The following KCNQ1OT1 variants were observed in gnomAD, a reference collection of about 807,000 sequenced individuals.
KCNQ1OT1 encodes the protein KCNQ1 opposite strand/antisense transcript 1, also known as KCNQ1 antisense RNA 2 (non-protein coding).
exon 1 of KCNQ1OT1, chr11:2,689,753 G>A (rs999508482): frequency 3.0e-5 from 12 of 398,566 alleles, no homozygotes; most frequent in Non-Finnish European, 4.9e-5. Flanking sequence ...TTGTTTACAG[G>A]AGACTGATGG....
Position 2,682,810 on chromosome 11 carries a change from T to C in KCNQ1OT1, n.17185A>G. On this transcript the variant is annotated non_coding_transcript_exon_variant, in exon 1 of 1. Transcript: ENST00000597346. This position sits in a 1 kb window ranked among gnomAD's most constrained non-coding sequence, Gnocchi z 5.8. ...CACCATGAAATGCAGTGACTTGCAGTGATCCTCCTGGGGCCTTGTATAGAA... is the reference window on the plus strand; with the variant it reads ...CACCATGAAATGCAGTGACTTGCAGCGATCCTCCTGGGGCCTTGTATAGAA... 2.5e-6 allele frequency: 1 copy of C among 398,654 alleles called. No individual in the cohort carries two copies. Among genetic ancestry groups the C allele is most frequent in the Non-Finnish European group, 4.4e-6 (1 of 226,074 alleles). The allele number at this position is 398,654 out of a possible 1,614,324, so 24.7% of individuals were successfully genotyped here. A position where few individuals can be genotyped will look rare whatever the true frequency, so the allele number is the denominator to read the frequency against.
exon 1 of KCNQ1OT1, chr11:2,660,541 A>G (rs903615355): frequency 5.0e-6 from 2 of 398,534 alleles, no homozygotes; most frequent in Admixed American, 8.8e-5. Context: ...AAATTCCTAC[A>G]AAGTGATAAG....
rs919961645 is a variant in KCNQ1OT1 at position 2,617,147 on chromosome 11, C to T, written n.82848G>A. The T allele has an allele frequency of 4.8e-5, 19 of 398,294 alleles. No homozygotes were observed. Among genetic ancestry groups the T allele is most frequent in the Non-Finnish European group, 5.8e-5 (13 of 225,886 alleles). The allele number at this position is 398,294 out of a possible 1,614,324, so 24.7% of individuals were successfully genotyped here. A position where few individuals can be genotyped will look rare whatever the true frequency, so the allele number is the denominator to read the frequency against. ...CCAAATGCAATATACTAACTATTCT[C>T]ATGTTCTACATGAGATCTCTAGACT... On this transcript the variant is annotated non_coding_transcript_exon_variant, in exon 1 of 1. Transcript: ENST00000597346. This position sits in a 1 kb window ranked among gnomAD's most constrained non-coding sequence, Gnocchi z 4.6.
rs1395105650 is a variant in KCNQ1OT1, at chr11:2,617,079, G to A, written n.82916C>T. ...TCATCTCACAGTTATTCTTTTGTGT[G>A]TATGAGTGAGAAAAGCTATGATCTA... On this transcript the variant is annotated non_coding_transcript_exon_variant, in exon 1 of 1. Coordinates refer to ENST00000597346, the Ensembl canonical transcript of KCNQ1OT1. The surrounding 1 kb of genome is among the most constrained non-coding windows in gnomAD (Gnocchi z 4.6). The A allele has an allele frequency of 1.5e-5, 6 of 397,936 alleles. No homozygotes were observed. Among genetic ancestry groups the A allele is most frequent in the Non-Finnish European group, 2.7e-5 (6 of 225,816 alleles). 24.7% of individuals were successfully genotyped at this position (397,936 alleles called of 1,614,324 possible).
At position 2,623,296 on chromosome 11, in the gene KCNQ1OT1, T is replaced by C. The variant is rs1849204437; in HGVS notation, n.76699A>G. 2.5e-6 allele frequency: 1 copy of C among 398,708 alleles called. No individual in the cohort carries two copies. Among genetic ancestry groups the C allele is most frequent in the Non-Finnish European group, 4.4e-6 (1 of 226,148 alleles). The allele number at this position is 398,708 out of a possible 1,614,324, so 24.7% of individuals were successfully genotyped here. A position where few individuals can be genotyped will look rare whatever the true frequency, so the allele number is the denominator to read the frequency against. Reference sequence around the variant, plus strand: ...TCACAAATTACCCAGTCTCAGGTAGTTCTTTATAGCACTGTGAGAACGGAC... The same window carrying C: ...TCACAAATTACCCAGTCTCAGGTAGCTCTTTATAGCACTGTGAGAACGGAC... On this transcript the variant is annotated non_coding_transcript_exon_variant, in exon 1 of 1. Coordinates refer to ENST00000597346, the Ensembl canonical transcript of KCNQ1OT1. The surrounding 1 kb of genome is among the most constrained non-coding windows in gnomAD (Gnocchi z 5.2).
At position 2,691,815 on chromosome 11, in the gene KCNQ1OT1, T is replaced by G; in HGVS notation, n.8180A>C. On this transcript the variant is annotated non_coding_transcript_exon_variant, in exon 1 of 1. Transcript: ENST00000597346. This position sits in a 1 kb window ranked among gnomAD's most constrained non-coding sequence, Gnocchi z 6.4. ...CAATCAGAGAATCACAAGCACTGGA[T>G]CCAATGTGACCTCTGCCAGGACCAT... 2.5e-6 allele frequency: 1 copy of G among 398,662 alleles called. No individual in the cohort carries two copies. Among genetic ancestry groups the G allele is most frequent in the East Asian group, 3.6e-5 (1 of 28,056 alleles). The allele number at this position is 398,662 out of a possible 1,614,324, so 24.7% of individuals were successfully genotyped here.
rs372027284 is a variant in KCNQ1OT1 at position 2,655,528 on chromosome 11, C to T, written n.44467G>A. On this transcript the variant is annotated non_coding_transcript_exon_variant, in exon 1 of 1. Transcript: ENST00000597346. ...TGCCCTTTCAAGTACACCATGGGCT[C>T]AACCTTCTCTGCAGCTGTGAGTTCA... 1.0e-5 allele frequency: 4 copies of T among 398,600 alleles called. No individual in the cohort carries two copies. In the Admixed American group the frequency reaches 1.8e-4, roughly 18 times the overall value. The allele number at this position is 398,600 out of a possible 1,614,324, so 24.7% of individuals were successfully genotyped here.
chr11:2,676,489 T>A lies in KCNQ1OT1; in HGVS notation n.23506A>T. ...TTAGCTGTAGTCTTTCTGGCATCAG[T>A]TCCATTTCTGGTGAACACTTGGACT... On this transcript the variant is annotated non_coding_transcript_exon_variant, in exon 1 of 1. Transcript: ENST00000597346. The surrounding 1 kb of genome is among the most constrained non-coding windows in gnomAD (Gnocchi z 4.2). 1 of 398,694 alleles carries A rather than the reference T, an allele frequency of 2.5e-6. No individual in the cohort carries two copies. Among genetic ancestry groups the A allele is most frequent in the Non-Finnish European group, 4.4e-6 (1 of 226,094 alleles). The allele number at this position is 398,694 out of a possible 1,614,324, so 24.7% of individuals were successfully genotyped here. A position where few individuals can be genotyped will look rare whatever the true frequency, so the allele number is the denominator to read the frequency against.
At chr11:2,694,014 T>C in exon 1 of KCNQ1OT1, 1 of 398,688 alleles carries the variant, frequency 2.5e-6, no homozygotes, top group Non-Finnish European at 4.4e-6. Context: ...CACCTCCAAC[T>C]TGGTCAAGCC....
rs1849774209 is a variant in KCNQ1OT1 at position 2,652,635 on chromosome 11, G to A, written n.47360C>T. On this transcript the variant is annotated non_coding_transcript_exon_variant, in exon 1 of 1. Transcript: ENST00000597346. This position sits in a 1 kb window ranked among gnomAD's most constrained non-coding sequence, Gnocchi z 5.9. ...AAATGTGTCTTGGGAGACCTAGACA[G>A]TGACTTCCTGCAGCATGGAGACCCG... 1.0e-5 allele frequency: 4 copies of A among 398,702 alleles called. No homozygotes were observed. Among genetic ancestry groups the A allele is most frequent in the Non-Finnish European group, 1.8e-5 (4 of 226,128 alleles). The allele number at this position is 398,702 out of a possible 1,614,324, so 24.7% of individuals were successfully genotyped here.
Position 2,670,195 on chromosome 11 carries a change from G to A in KCNQ1OT1, n.29800C>T. On this transcript the variant is annotated non_coding_transcript_exon_variant, in exon 1 of 1. Coordinates refer to ENST00000597346, the Ensembl canonical transcript of KCNQ1OT1. The surrounding 1 kb of genome is among the most constrained non-coding windows in gnomAD (Gnocchi z 4.9). ...GCAAGCACCCACATTAAAGCAGAGT[G>A]AAGAGCAGGGCGAGCTGTGTAGCTC... The A allele has an allele frequency of 2.5e-6, 1 of 398,638 alleles. No individual in the cohort carries two copies. The highest frequency in any genetic ancestry group is 4.4e-6 in the Non-Finnish European group (1 of 226,084). The allele number at this position is 398,638 out of a possible 1,614,324, so 24.7% of individuals were successfully genotyped here.
rs148944644 is a variant in KCNQ1OT1, at chr11:2,634,033, A to G, written n.65962T>C. 2,206 of 398,374 alleles carry G rather than the reference A, an allele frequency of 5.5e-3. 10 individuals carry two copies. The highest frequency in any genetic ancestry group is 8.8e-3 in the Middle Eastern group (14 of 1,586). The allele number at this position is 398,374 out of a possible 1,614,324, so 24.7% of individuals were successfully genotyped here. A position where few individuals can be genotyped will look rare whatever the true frequency, so the allele number is the denominator to read the frequency against. ...CAGGCAGTGTAGTGCCTCCAGCTTC[A>G]TTCTGCCTGCTCAGTATTGTTTGTC... On this transcript the variant is annotated non_coding_transcript_exon_variant, in exon 1 of 1. Transcript: ENST00000597346.
chr11:2,658,721 A>G lies in KCNQ1OT1; in HGVS notation n.41274T>C. ...ATGTATGTAACCTGAGTACACATACATCTTTACATATCTGTATCTATATAA... is the reference window on the plus strand; with the variant it reads ...ATGTATGTAACCTGAGTACACATACGTCTTTACATATCTGTATCTATATAA... On this transcript the variant is annotated non_coding_transcript_exon_variant, in exon 1 of 1. Coordinates refer to ENST00000597346, the Ensembl canonical transcript of KCNQ1OT1. The surrounding 1 kb of genome is among the most constrained non-coding windows in gnomAD (Gnocchi z 4.9). 1 of 398,620 alleles carries G rather than the reference A, an allele frequency of 2.5e-6. No individual in the cohort carries two copies. 24.7% of individuals were successfully genotyped at this position (398,620 alleles called of 1,614,324 possible).
chr11:2,612,507 T>C lies in KCNQ1OT1; in HGVS notation n.87488A>G, dbSNP rs1016859802. The C allele has an allele frequency of 5.0e-6, 2 of 398,526 alleles. No homozygotes were observed. The highest frequency in any genetic ancestry group is 4.1e-5 in the African/African-American group (2 of 48,636). 24.7% of individuals were successfully genotyped at this position (398,526 alleles called of 1,614,324 possible). ...GTTGAAGTTCATTGATTCTTTCTTC[T>C]GCCAGGTCAAATTTGCTTAGCCGCA... On this transcript the variant is annotated non_coding_transcript_exon_variant, in exon 1 of 1. Coordinates refer to ENST00000597346, the Ensembl canonical transcript of KCNQ1OT1. This position sits in a 1 kb window ranked among gnomAD's most constrained non-coding sequence, Gnocchi z 5.5.
exon 1 of KCNQ1OT1, chr11:2,666,428 A>T (rs899488671): frequency 7.5e-6 from 3 of 398,496 alleles, no homozygotes; most frequent in African/African-American, 6.2e-5. Context: ...CGTTAATTAG[A>T]ATTTCCATGT....
chr11:2,642,198 T>C lies in KCNQ1OT1; in HGVS notation n.57797A>G. ...AGAGAGACTGCATTGAATCTGTAGA[T>C]TGCTTTGGGTAGTATGGTCATTTTA... On this transcript the variant is annotated non_coding_transcript_exon_variant, in exon 1 of 1. Coordinates refer to ENST00000597346, the Ensembl canonical transcript of KCNQ1OT1. The surrounding 1 kb of genome is among the most constrained non-coding windows in gnomAD (Gnocchi z 4.3). The C allele has an allele frequency of 2.5e-6, 1 of 398,460 alleles. No homozygotes were observed. Among genetic ancestry groups the C allele is most frequent in the Non-Finnish European group, 4.4e-6 (1 of 225,978 alleles). 24.7% of individuals were successfully genotyped at this position (398,460 alleles called of 1,614,324 possible).
chr11:2,671,215 A>G lies in KCNQ1OT1; in HGVS notation n.28780T>C. On this transcript the variant is annotated non_coding_transcript_exon_variant, in exon 1 of 1. Coordinates refer to ENST00000597346, the Ensembl canonical transcript of KCNQ1OT1. The surrounding 1 kb of genome is among the most constrained non-coding windows in gnomAD (Gnocchi z 4.7). ...AGAAAAATAAAAGGTAGAGAGACAG[A>G]GGTAGACAGGAGTCCAGGTCTGACC... 1 of 398,642 alleles carries G rather than the reference A, an allele frequency of 2.5e-6. No homozygotes were observed. Among genetic ancestry groups the G allele is most frequent in the South Asian group, 1.3e-4 (1 of 7,856 alleles). 24.7% of individuals were successfully genotyped at this position (398,642 alleles called of 1,614,324 possible). A position where few individuals can be genotyped will look rare whatever the true frequency, so the allele number is the denominator to read the frequency against.
Position 2,621,676 on chromosome 11 carries a change from G to A in KCNQ1OT1, n.78319C>T, listed in dbSNP as rs1279098811. On this transcript the variant is annotated non_coding_transcript_exon_variant, in exon 1 of 1. Transcript: ENST00000597346. The surrounding 1 kb of genome is among the most constrained non-coding windows in gnomAD (Gnocchi z 5.7). ...TTATCCAATTTGTTGGGATATAATTGTTCATAAAAGTCCCTTATGATCCTT... is the reference window on the plus strand; with the variant it reads ...TTATCCAATTTGTTGGGATATAATTATTCATAAAAGTCCCTTATGATCCTT... The A allele has an allele frequency of 2.5e-6, 1 of 398,310 alleles. No homozygotes were observed. The highest frequency in any genetic ancestry group is 4.4e-6 in the Non-Finnish European group (1 of 225,978). The allele number at this position is 398,310 out of a possible 1,614,324, so 24.7% of individuals were successfully genotyped here.
exon 1 of KCNQ1OT1, chr11:2,633,901 T>G (rs1014926977): frequency 5.0e-6 from 2 of 398,520 alleles, no homozygotes; most frequent in Admixed American, 4.4e-5. Flanking sequence ...TTTTCACTTT[T>G]GTGAATATTG....
Sources: allele counts gnomAD v4.1 joint callset, GRCh38; gene constraint gnomAD v4.1.1; non-coding constraint Gnocchi (gnomAD v3.1); transcripts MANE v1.5; gene names NCBI Gene and HGNC (gene_info 2026-07-23, HGNC 2026-07-21).